The following SHMT1 variants were observed in gnomAD, a reference collection of about 807,000 sequenced individuals.
The protein encoded by SHMT1 is serine hydroxymethyltransferase, cytosolic.
SHMT1 carries 45 observed loss-of-function variants against 49.0 expected under a neutral mutation model. The ratio of observed to expected loss-of-function variants is 0.92; its 90% confidence interval spans 0.72 to 1.18. The LOEUF is 1.18. Ranked by LOEUF, SHMT1 falls within the 50% of genes most tolerant of loss-of-function variation. The pLI is 0.00. For missense variants in SHMT1, 541 were observed against 612.4 expected, an observed-to-expected ratio of 0.88 and a Z score of 1.23; for synonymous variants, 232 against 246.6, an observed-to-expected ratio of 0.94 and a Z score of 0.55.
intron 7 of SHMT1, among the ~76,000 whole-genome samples, chr17:18,339,556 T>C (rs929707659): frequency 6.6e-6 from 1 of 151,194 alleles, no homozygotes; most frequent in Non-Finnish European, 1.5e-5. Flanking sequence ...GGGATTCCTT[T>C]CTTTCTTTCT....
chr17:18,351,346 C>A (rs537862640), intron 3 of SHMT1, among the ~76,000 whole-genome samples: 70 of 151,702 alleles, frequency 4.6e-4, no homozygotes, highest in Admixed American at 4.3e-3. Context: ...GGGGTTTACA[C>A]CGTATTAGCC....
Position 18,340,450 on chromosome 17 carries a change from G to T in SHMT1, c.602-195C>A. The T allele has an allele frequency of 1.4e-6, 1 of 698,352 alleles. No individual in the cohort carries two copies. The highest frequency in any genetic ancestry group is 1.7e-5 in the South Asian group (1 of 60,364). The allele number at this position is 698,352 out of a possible 1,614,324, so 43.3% of individuals were successfully genotyped here. On this transcript the variant is annotated intron_variant, in intron 6 of 11. Transcript: ENST00000316694. The surrounding 1 kb of genome is among the most constrained non-coding windows in gnomAD (Gnocchi z 4.5). ...ACCACTCTAACTCTTCAACGTCTTGGTGGTTGAGATGGCCCCAACTACTAT... is the reference window on the plus strand; with the variant it reads ...ACCACTCTAACTCTTCAACGTCTTGTTGGTTGAGATGGCCCCAACTACTAT...
intron 11 of SHMT1, among the ~76,000 whole-genome samples, 158 bp downstream of exon 11, chr17:18,329,120 C>T (rs1181449755): frequency 6.6e-6 from 1 of 152,196 alleles, no homozygotes; most frequent in Non-Finnish European, 1.5e-5. Flanking sequence ...ATAACCCTCT[C>T]AGACAAGGTG....
intron 3 of SHMT1, chr17:18,348,702 A>T (rs1388003383): frequency 1.8e-6 from 1 of 571,344 alleles, no homozygotes; most frequent in East Asian, 4.4e-5. Flanking sequence ...TGGCTGGGAG[A>T]GGTGGCTTAT....
At chr17:18,329,157 C>T (rs1381767708) in intron 11 of SHMT1, 121 bp downstream of exon 11, 2 of 908,004 alleles carry the variant, frequency 2.2e-6, no homozygotes, top group Non-Finnish European at 3.5e-6. Flanking sequence ...TGCTGTCTCC[C>T]ACCCCAACAC....
intron 3 of SHMT1, 58 bp downstream of exon 3, chr17:18,353,614 C>G: frequency 6.4e-7 from 1 of 1,574,744 alleles, no homozygotes; most frequent in Non-Finnish European, 8.7e-7. Flanking sequence ...AGGTCCTAGG[C>G]TGACTGAGTA....
At position 18,353,731 on chromosome 17, in the gene SHMT1, A is replaced by C. The variant is rs1166482192; in HGVS notation, c.183T>G (p.Val61=). Residue 61 remains valine, a synonymous_variant, in exon 3 of 12, where the codon GTT becomes GTG. Transcript: ENST00000316694. ...TTAAGCAAGAGCCTAGGGCCTCCAA[A>C]ACTGCTCGGCTGGCGAAATTCTCCG... The part of the protein sequence containing the change: ...IASENFASRA[V]LEALGSCLNN... 1.2e-6 allele frequency: 2 copies of C among 1,614,158 alleles called. No homozygotes were observed. Among genetic ancestry groups the C allele is most frequent in the Admixed American group, 3.3e-5 (2 of 60,004 alleles).
intron 1 of SHMT1, among the ~76,000 whole-genome samples, chr17:18,360,188 G>T (rs907317987): frequency 2.6e-5 from 4 of 152,076 alleles, no homozygotes; most frequent in Admixed American, 2.0e-4. Context: ...GGTGGAGGTT[G>T]CAGTGAGCCG....
intron 1 of SHMT1, among the ~76,000 whole-genome samples, chr17:18,357,347 G>C (rs1243857144): frequency 6.8e-6 from 1 of 147,840 alleles, no homozygotes; most frequent in Non-Finnish European, 1.5e-5. Flanking sequence ...TCATTGACTT[G>C]AAACAATTCC....
At chr17:18,334,477 A>G (rs1983578259) in intron 8 of SHMT1, among the ~76,000 whole-genome samples, 2 of 152,238 alleles carry the variant, frequency 1.3e-5, no homozygotes, top group South Asian at 4.1e-4. Context: ...CAAAGCTGTT[A>G]AGCAAGATGG....
At chr17:18,337,536 G>A (rs762574663) in intron 7 of SHMT1, among the ~76,000 whole-genome samples, 3 of 145,108 alleles carry the variant, frequency 2.1e-5, no homozygotes, top group African/African-American at 2.6e-5. Flanking sequence ...TAATGTAGTC[G>A]AACAGCCCTC....
At chr17:18,361,075 G>A (rs1225088587) in intron 1 of SHMT1, among the ~76,000 whole-genome samples, 5 of 151,886 alleles carry the variant, frequency 3.3e-5, no homozygotes, top group Non-Finnish European at 1.5e-5. Context: ...GGAGGCCAAG[G>A]CGGGTGCATC....
At chr17:18,339,978 T>A in intron 7 of SHMT1, 65 bp downstream of exon 7, 1 of 1,518,836 alleles carries the variant, frequency 6.6e-7, no homozygotes, top group South Asian at 1.1e-5. Flanking sequence ...CTCAACTGAA[T>A]CTGAACCCCC....
At position 18,340,042 on chromosome 17, in the gene SHMT1, C is replaced by T; in HGVS notation, c.814+1G>A. 2 of 1,613,270 alleles carry T rather than the reference C, an allele frequency of 1.2e-6. No homozygotes were observed. Among genetic ancestry groups the T allele is most frequent in the Non-Finnish European group, 1.7e-6 (2 of 1,180,020 alleles). On this transcript the variant is annotated splice_donor_variant, in intron 7 of 11. Coordinates refer to ENST00000316694, the MANE Select transcript of SHMT1 (RefSeq NM_004169.5). LOFTEE classifies it high-confidence loss of function. This position sits in a 1 kb window ranked among gnomAD's most constrained non-coding sequence, Gnocchi z 4.5. ...TCTGTACCCAACATTCGGGAGCTCA[C>T]CTTTCCTGTAGAAGATCATGCCAGC...
chr17:18,361,662 T>G (rs1187945642), intron 1 of SHMT1, among the ~76,000 whole-genome samples: 1 of 151,464 alleles, frequency 6.6e-6, no homozygotes, highest in African/African-American at 2.4e-5. Flanking sequence ...TGGCGGCGCC[T>G]GTAGTCCCAG....
chr17:18,348,618 G>A, intron 3 of SHMT1, 178 bp from the exon 4 acceptor site: 1 of 716,326 alleles, frequency 1.4e-6, no homozygotes, highest in Non-Finnish European at 2.6e-6. Context: ...CAATGCCTCT[G>A]GAATCTACAG....
rs761540665 is a variant in SHMT1 at position 18,347,487 on chromosome 17, C to T, written c.519+9G>A. 2.5e-6 allele frequency: 4 copies of T among 1,613,740 alleles called. No individual in the cohort carries two copies. In the African/African-American group the frequency reaches 5.3e-5, roughly 22 times the overall value. ...GGAAATAAAAGCTAGGAGAGAAACA[C>T]ATGCTTACCTTGTAGGGCATAGATT... On this transcript the variant is annotated intron_variant, in intron 5 of 11. Coordinates refer to ENST00000316694, the MANE Select transcript of SHMT1 (RefSeq NM_004169.5).
intron 3 of SHMT1, among the ~76,000 whole-genome samples, chr17:18,353,318 G>A (rs981496395): frequency 1.3e-4 from 20 of 152,100 alleles, no homozygotes; most frequent in Non-Finnish European, 2.8e-4. Flanking sequence ...ATACAGACTC[G>A]ATGACTCACA....
intron 7 of SHMT1, among the ~76,000 whole-genome samples, chr17:18,337,295 C>T (rs1278353147): frequency 6.6e-6 from 1 of 152,120 alleles, no homozygotes. Context: ...AGGCTGGCTC[C>T]GGAGTCCCTC....
Sources: allele counts gnomAD v4.1 joint callset (sites outside exome capture counted in the v4.1 genomes callset), GRCh38; gene constraint gnomAD v4.1.1; non-coding constraint Gnocchi (gnomAD v3.1); transcripts MANE v1.5; gene names NCBI Gene and HGNC (gene_info 2026-07-23, HGNC 2026-07-21).